Variants in MBOAT1 observed in about 807,000 individuals in gnomAD.
The protein encoded by MBOAT1 is membrane-bound glycerophospholipid O-acyltransferase 1.
A neutral mutation model predicts 64.4 loss-of-function variants in MBOAT1; 67 were observed. The ratio of observed to expected loss-of-function variants is 1.04; its 90% CI spans 0.85 to 1.27. The LOEUF (loss-of-function observed/expected upper bound fraction) is 1.27, where lower values mean the gene tolerates loss of function less well. MBOAT1 is among the 50% of genes most tolerant of loss of function. The pLI is 0.00. For missense variants in MBOAT1, 563 were observed against 604.6 expected (o/e 0.93, Z 0.72); for synonymous variants, 229 against 218.9 (o/e 1.05, Z -0.41).
chr6:20,124,627 C>T, intron 7 of MBOAT1, 27 bp from the exon 8 acceptor site: 1 of 1,610,388 alleles, frequency 6.2e-7, no homozygotes, highest in Non-Finnish European at 8.5e-7. Flanking sequence ...ATCAGTGTCA[C>T]CGTGCAGAAG....
chr6:20,144,741 G>C (rs546316721), intron 3 of MBOAT1, among the ~76,000 whole-genome samples: 1 of 152,258 alleles, frequency 6.6e-6, no homozygotes, highest in East Asian at 1.9e-4. Context: ...TCACCATACT[G>C]CTGACCACTT....
chr6:20,181,212 C>G (rs1460683080), intron 1 of MBOAT1, among the ~76,000 whole-genome samples: 1 of 152,154 alleles, frequency 6.6e-6, no homozygotes, highest in East Asian at 1.9e-4. Context: ...ACTCCCCGCT[C>G]CCCAGGTTCC....
At chr6:20,176,810 G>A (rs1472576900) in intron 1 of MBOAT1, among the ~76,000 whole-genome samples, 1 of 152,010 alleles carries the variant, frequency 6.6e-6, no homozygotes, top group Admixed American at 6.6e-5. Context: ...TTTTAGTAGA[G>A]GTGGGGTTTC....
At chr6:20,212,082 C>A (rs886734657) in intron 1 of MBOAT1, 54 bp downstream of exon 1, 10 of 1,536,890 alleles carry the variant, frequency 6.5e-6, no homozygotes, top group African/African-American at 1.4e-5. Context: ...TCGCCCGCCC[C>A]GTGCACGCGA....
At chr6:20,131,032 A>C in intron 5 of MBOAT1, 112 bp downstream of exon 5, 1 of 938,230 alleles carries the variant, frequency 1.1e-6, no homozygotes, top group East Asian at 2.5e-5. Flanking sequence ...AACAAGATAA[A>C]GCAAGATCTG....
intron 1 of MBOAT1, among the ~76,000 whole-genome samples, chr6:20,189,143 C>G (rs1332297937): frequency 6.6e-6 from 1 of 152,148 alleles, no homozygotes; most frequent in African/African-American, 2.4e-5. Flanking sequence ...TTTGCACCCC[C>G]TAAGAATGCC....
chr6:20,202,197 A>G (rs1763141628), intron 1 of MBOAT1, among the ~76,000 whole-genome samples: 1 of 152,244 alleles, frequency 6.6e-6, no homozygotes, highest in South Asian at 2.1e-4. Flanking sequence ...TGAATGAAAC[A>G]AACTTAAAAA....
chr6:20,127,088 C>T (rs768198573), intron 6 of MBOAT1, among the ~76,000 whole-genome samples: 5 of 152,120 alleles, frequency 3.3e-5, no homozygotes, highest in Non-Finnish European at 7.4e-5. Context: ...GAGATGCTTC[C>T]AAATGGGAAA....
intron 4 of MBOAT1, 117 bp from the exon 5 acceptor site, chr6:20,131,316 G>C (rs1302152037): frequency 2.3e-6 from 2 of 885,400 alleles, no homozygotes; most frequent in African/African-American, 3.3e-5. Flanking sequence ...ACATGTCGTG[G>C]GAGGGACCAA....
chr6:20,201,236 C>A (rs1407476818), intron 1 of MBOAT1, among the ~76,000 whole-genome samples: 1 of 151,888 alleles, frequency 6.6e-6, no homozygotes, highest in Non-Finnish European at 1.5e-5. Flanking sequence ...AGAACAGAAA[C>A]AAAGCCTTCA....
chr6:20,122,056 T>C (rs1248986023), intron 8 of MBOAT1, among the ~76,000 whole-genome samples: 1 of 151,990 alleles, frequency 6.6e-6, no homozygotes, highest in Non-Finnish European at 1.5e-5. Flanking sequence ...TCCCAGCTAC[T>C]TGGGAGGCTG....
intron 1 of MBOAT1, among the ~76,000 whole-genome samples, chr6:20,161,653 A>C (rs1435119019): frequency 4.6e-5 from 7 of 152,300 alleles, no homozygotes. Flanking sequence ...CACTTTACAC[A>C]GGAGGAAAAT....
chr6:20,187,160 T>C (rs1762677645), intron 1 of MBOAT1, among the ~76,000 whole-genome samples: 1 of 152,222 alleles, frequency 6.6e-6, no homozygotes, highest in Admixed American at 6.5e-5. Context: ...ACTAAATGAA[T>C]TCAGATGTCT....
chr6:20,103,054 A>G (rs889504131), intron 12 of MBOAT1, among the ~76,000 whole-genome samples: 2 of 152,246 alleles, frequency 1.3e-5, no homozygotes, highest in Non-Finnish European at 2.9e-5. Flanking sequence ...TTACAATACT[A>G]TACTTTCCCA....
At chr6:20,116,286 C>T (rs1243984332) in intron 9 of MBOAT1, among the ~76,000 whole-genome samples, 3 of 151,696 alleles carry the variant, frequency 2.0e-5, no homozygotes, top group Admixed American at 6.6e-5. Context: ...GAGCTGAGAT[C>T]GCACCACTGC....
intron 1 of MBOAT1, among the ~76,000 whole-genome samples, chr6:20,165,456 T>G (rs983865154): frequency 1.3e-5 from 2 of 152,034 alleles, no homozygotes; most frequent in Admixed American, 1.3e-4. Context: ...TTAAAATGAA[T>G]AGTGGACTGG....
rs566209522 is a variant in MBOAT1, at chr6:20,102,223, A to G, written c.*63T>C. 3.9e-5 allele frequency: 61 copies of G among 1,564,394 alleles called. No homozygotes were observed. The Admixed American group carries it at 5.1e-4, about 13-fold the overall frequency. On this transcript the variant is annotated 3_prime_UTR_variant, in exon 13 of 13. Transcript: ENST00000324607. Reference sequence around the variant, plus strand: ...TCTAAGCCACCGGAGGAGCCCTTGAAGCCTTGTCATCTCATCTTTCGAACG... The same window carrying G: ...TCTAAGCCACCGGAGGAGCCCTTGAGGCCTTGTCATCTCATCTTTCGAACG...
At chr6:20,181,041 G>C (rs1762493399) in intron 1 of MBOAT1, among the ~76,000 whole-genome samples, 1 of 152,218 alleles carries the variant, frequency 6.6e-6, no homozygotes, top group Admixed American at 6.5e-5. Context: ...GTTTCAGGCA[G>C]TGCTAATAGC....
intron 6 of MBOAT1, among the ~76,000 whole-genome samples, chr6:20,127,925 T>C (rs994835790): frequency 1.3e-5 from 2 of 152,094 alleles, no homozygotes; most frequent in Non-Finnish European, 2.9e-5. Context: ...TACACCTCCA[T>C]TGTGCTTAGG....
Sources: gnomAD v4.1 joint callset for allele counts (sites outside exome capture counted in the v4.1 genomes callset) on GRCh38, gnomAD v4.1.1 for gene constraint, MANE v1.5 for transcripts, NCBI Gene and HGNC (gene_info 2026-07-23, HGNC 2026-07-21) for gene names.